ROCK2: variants seen among roughly 807,000 people sequenced by gnomAD.
The protein encoded by ROCK2 is Rho associated coiled-coil containing protein kinase 2, also known as rho-associated protein kinase 2.
ROCK2 carries 61 observed loss-of-function variants against 195.1 expected under a neutral mutation model. That is an observed-to-expected ratio of 0.31 (90% CI 0.25 to 0.39). The LOEUF (loss-of-function observed/expected upper bound fraction) is 0.39, where lower values mean the gene tolerates loss of function less well. ROCK2 is among the 10% of genes least tolerant of loss of function. The pLI is 1.00. For synonymous variants in ROCK2, 504 were observed against 545.5 expected (o/e 0.92, Z 1.06); for missense variants, 1,109 against 1,637.4 (o/e 0.68, Z 5.57).
intron 1 of ROCK2, among the ~76,000 whole-genome samples, chr2:11,316,717 C>T (rs1170744797): frequency 3.3e-5 from 5 of 152,042 alleles, no homozygotes; most frequent in Non-Finnish European, 7.4e-5. Context: ...ACATTTTATG[C>T]GACCATGTAT....
At chr2:11,248,940 G>C (rs183102580) in intron 4 of ROCK2, among the ~76,000 whole-genome samples, 3 of 152,064 alleles carry the variant, frequency 2.0e-5, no homozygotes, top group African/African-American at 7.2e-5. Flanking sequence ...TCTGTTGCCA[G>C]GCTGGAGTGC....
chr2:11,313,701 T>G (rs2148235128), intron 1 of ROCK2, among the ~76,000 whole-genome samples: 1 of 152,114 alleles, frequency 6.6e-6, no homozygotes, highest in South Asian at 2.1e-4. Context: ...TATGATTGTT[T>G]TCATATCTAT....
intron 1 of ROCK2, among the ~76,000 whole-genome samples, chr2:11,305,000 G>A (rs757628788): frequency 3.3e-5 from 5 of 152,096 alleles, no homozygotes; most frequent in Admixed American, 2.6e-4. Context: ...TGGGGGAGGA[G>A]GGTTGGGCAC....
chr2:11,249,202 A>G (rs1175463782), intron 4 of ROCK2, among the ~76,000 whole-genome samples: 1 of 152,006 alleles, frequency 6.6e-6, no homozygotes, highest in African/African-American at 2.4e-5. Context: ...GGCCACACAA[A>G]CTTTTTATTT....
intron 1 of ROCK2, among the ~76,000 whole-genome samples, chr2:11,313,002 G>C (rs1668083517): frequency 6.6e-6 from 1 of 152,054 alleles, no homozygotes; most frequent in South Asian, 2.1e-4. Context: ...GAGCACGGGG[G>C]AGTTTTAGGA....
chr2:11,189,012 G>A (rs1467990880), intron 32 of ROCK2, among the ~76,000 whole-genome samples: 1 of 151,660 alleles, frequency 6.6e-6, no homozygotes, highest in Admixed American at 6.6e-5. Context: ...ACTCCAGCCT[G>A]GGTGACAGAG....
At chr2:11,321,896 C>A (rs188720869) in intron 1 of ROCK2, among the ~76,000 whole-genome samples, 69 of 152,238 alleles carry the variant, frequency 4.5e-4, no homozygotes, top group Non-Finnish European at 6.6e-4. Context: ...TCCTAACTCC[C>A]AGTACCTCAA....
rs754501269 is a variant in ROCK2 at position 11,218,445 on chromosome 2, A to C, written c.1332+10T>G. The C allele has an allele frequency of 5.8e-6, 9 of 1,561,036 alleles. No homozygotes were observed. The African/African-American group carries it at 1.2e-4, about 21-fold the overall frequency. ...TCAGTTTTTCAATATATCTGACAAC[A>C]TCAACATACCTCTTGACTTTCCTAT... On this transcript the variant is annotated intron_variant, in intron 11 of 32. Transcript: ENST00000315872.
chr2:11,321,239 G>A (rs545645374), intron 1 of ROCK2, among the ~76,000 whole-genome samples: 5 of 152,174 alleles, frequency 3.3e-5, no homozygotes, highest in Admixed American at 2.6e-4. Flanking sequence ...GCAGTGGCAC[G>A]ATCTCAGCTC....
At chr2:11,245,359 G>C (rs1225315885) in intron 4 of ROCK2, among the ~76,000 whole-genome samples, 1 of 151,600 alleles carries the variant, frequency 6.6e-6, no homozygotes, top group East Asian at 1.9e-4. Context: ...AGTAATCAAG[G>C]AAGTACAACT....
At chr2:11,311,744 C>T (rs1316113608) in intron 1 of ROCK2, among the ~76,000 whole-genome samples, 1 of 151,434 alleles carries the variant, frequency 6.6e-6, no homozygotes, top group African/African-American at 2.4e-5. Flanking sequence ...ATCATAAAAT[C>T]GAGAGAAAGC....
chr2:11,208,681 T>C (rs1361251827), intron 18 of ROCK2, among the ~76,000 whole-genome samples: 1 of 149,996 alleles, frequency 6.7e-6, no homozygotes, highest in Non-Finnish European at 1.5e-5. Flanking sequence ...CTTTGTAACC[T>C]CCTGGATTCA....
At chr2:11,211,647 C>A (rs764539599) in intron 18 of ROCK2, 34 bp downstream of exon 18, 1 of 1,531,648 alleles carries the variant, frequency 6.5e-7, no homozygotes, top group Non-Finnish European at 8.8e-7. Flanking sequence ...CTTAGGAAGA[C>A]GCTGCTGGAA....
chr2:11,216,743 G>C (rs1431714461), intron 12 of ROCK2, among the ~76,000 whole-genome samples: 1 of 148,598 alleles, frequency 6.7e-6, no homozygotes, highest in Non-Finnish European at 1.5e-5. Context: ...TTGTTTCTTT[G>C]AGATGGAGTC....
At chr2:11,343,646 C>T (rs1458182792) in intron 1 of ROCK2, among the ~76,000 whole-genome samples, 1 of 152,206 alleles carries the variant, frequency 6.6e-6, no homozygotes, top group Admixed American at 6.5e-5. Flanking sequence ...TAGCATGACA[C>T]TTTCAAATCA....
intron 2 of ROCK2, among the ~76,000 whole-genome samples, chr2:11,287,147 A>G (rs970283695): frequency 2.6e-5 from 4 of 152,214 alleles, no homozygotes; most frequent in African/African-American, 9.6e-5. Flanking sequence ...GTGATGATAC[A>G]ATGTATACAT....
intron 1 of ROCK2, among the ~76,000 whole-genome samples, chr2:11,297,654 C>G (rs964557132): frequency 6.6e-6 from 1 of 152,038 alleles, no homozygotes; most frequent in East Asian, 1.9e-4. Context: ...AGGTAGGTCT[C>G]TCCATCTATT....
intron 20 of ROCK2, among the ~76,000 whole-genome samples, chr2:11,206,186 A>T (rs1197738863): frequency 6.6e-6 from 1 of 152,132 alleles, no homozygotes; most frequent in African/African-American, 2.4e-5. Context: ...TACAATGAAC[A>T]CTTCCTCTAT....
At chr2:11,269,022 G>A (rs1165830571) in intron 3 of ROCK2, among the ~76,000 whole-genome samples, 2 of 151,950 alleles carry the variant, frequency 1.3e-5, no homozygotes, top group East Asian at 1.9e-4. Flanking sequence ...TCTTCTGCCG[G>A]CTCAAATCTG....
Sources: gnomAD v4.1 joint callset for allele counts (sites outside exome capture counted in the v4.1 genomes callset) on GRCh38, gnomAD v4.1.1 for gene constraint, MANE v1.5 for transcripts, NCBI Gene and HGNC (gene_info 2026-07-23, HGNC 2026-07-21) for gene names.